The following LY9 variants were observed in gnomAD, a reference collection of about 807,000 sequenced individuals.
LY9 encodes the protein lymphocyte antigen 9, also known as T-lymphocyte surface antigen Ly-9.
A neutral mutation model predicts 64.6 loss-of-function variants in LY9; 59 were observed. The ratio of observed to expected loss-of-function variants is 0.91; its 90% confidence interval spans 0.74 to 1.13. The LOEUF (loss-of-function observed/expected upper bound fraction) is 1.13. Among genes scored for constraint, LY9 ranks in the 50% most tolerant of loss-of-function variants. The probability of loss-of-function intolerance (pLI) is 0.00; values close to 1 mark genes in which losing one functional copy is unlikely to be tolerated. For synonymous variants in LY9, 281 were observed against 308.5 expected (o/e 0.91, Z 0.93); for missense variants, 789 against 797.2 (o/e 0.99, Z 0.12).
At chr1:160,813,473 A>T (rs920032655) in intron 2 of LY9, 163 bp from the exon 3 acceptor site, 2 of 631,172 alleles carry the variant, frequency 3.2e-6, no homozygotes, top group African/African-American at 3.7e-5. Context: ...GGGAGTACAG[A>T]GGAGAGGCTG....
intron 2 of LY9, among the ~76,000 whole-genome samples, chr1:160,808,660 C>T (rs1667204257): frequency 6.6e-6 from 1 of 152,180 alleles, no homozygotes; most frequent in South Asian, 2.1e-4. Flanking sequence ...GTTCCTTCTC[C>T]TTCCCTGCTT....
At chr1:160,813,968 G>A in intron 3 of LY9, 57 bp downstream of exon 3, 1 of 1,560,044 alleles carries the variant, frequency 6.4e-7, no homozygotes, top group Admixed American at 1.8e-5. Flanking sequence ...GAGCAGCTGT[G>A]GAGTCTAAAC....
At chr1:160,819,708 T>C (rs1030303343) in intron 7 of LY9, among the ~76,000 whole-genome samples, 7 of 150,294 alleles carry the variant, frequency 4.7e-5, no homozygotes, top group African/African-American at 1.5e-4. Flanking sequence ...TGAGAATCTA[T>C]TTAACCTGGG....
chr1:160,797,394 C>T (rs1385074309), intron 1 of LY9: 8 of 478,186 alleles, frequency 1.7e-5, no homozygotes, highest in South Asian at 1.8e-4. Context: ...AGCTGAGGTC[C>T]AGTCTGACCT....
intron 7 of LY9, among the ~76,000 whole-genome samples, chr1:160,822,378 T>C (rs951019506): frequency 1.3e-5 from 2 of 152,180 alleles, no homozygotes; most frequent in Non-Finnish European, 2.9e-5. Flanking sequence ...GAAAGGCTGG[T>C]TGCCGCACCC....
At chr1:160,804,184 G>T (rs905247056) in intron 2 of LY9, among the ~76,000 whole-genome samples, 1 of 152,174 alleles carries the variant, frequency 6.6e-6, no homozygotes, top group African/African-American at 2.4e-5. Context: ...CAGAAGAAAG[G>T]CTTTCAGCTT....
intron 2 of LY9, among the ~76,000 whole-genome samples, chr1:160,804,428 TG>T (rs1319086550): frequency 6.6e-6 from 1 of 152,202 alleles, no homozygotes; most frequent in East Asian, 1.9e-4. Flanking sequence ...CTTGCATCCC[TG>T]GGATAAATCC....
intron 2 of LY9, among the ~76,000 whole-genome samples, chr1:160,800,650 A>G (rs1049774081): frequency 6.6e-6 from 1 of 152,160 alleles, no homozygotes; most frequent in East Asian, 1.9e-4. Flanking sequence ...CATCACCCAA[A>G]GAGTGACCAT....
chr1:160,815,741 G>A (rs1425296438), intron 4 of LY9, among the ~76,000 whole-genome samples: 1 of 152,190 alleles, frequency 6.6e-6, no homozygotes, highest in African/African-American at 2.4e-5. Context: ...AGTTGGCTGG[G>A]GTGAAATCAG....
In LY9 at chr1:160,827,917, T is replaced by G; in HGVS notation, c.*101T>G. 2.3e-6 allele frequency: 2 copies of G among 872,368 alleles called. No homozygotes were observed. Among genetic ancestry groups the G allele is most frequent in the South Asian group, 3.2e-5 (2 of 61,612 alleles). 54.0% of individuals were successfully genotyped at this position (872,368 alleles called of 1,614,324 possible). A position where few individuals can be genotyped will look rare whatever the true frequency, so the allele number is the denominator to read the frequency against. On this transcript the variant is annotated 3_prime_UTR_variant, in exon 10 of 10. Coordinates refer to ENST00000263285, the MANE Select transcript of LY9 (RefSeq NM_002348.4). ...TCACAGACAGAAGCACCTCAGAATTTCCTTCAGTGCCTCAGAGATGCCTGG... is the reference window on the plus strand; with the variant it reads ...TCACAGACAGAAGCACCTCAGAATTGCCTTCAGTGCCTCAGAGATGCCTGG...
chr1:160,801,858 G>A (rs779799023), intron 2 of LY9: 25 of 1,614,060 alleles, frequency 1.5e-5, no homozygotes, highest in Non-Finnish European at 2.0e-5. Context: ...GGAGGGCAGC[G>A]GCCTGGAGTC....
rs755989622 is a variant in LY9 at position 160,827,828 on chromosome 1, G to A, written c.*12G>A. 3 of 1,606,084 alleles carry A rather than the reference G, an allele frequency of 1.9e-6. No homozygotes were observed. The highest frequency in any genetic ancestry group is 2.2e-5 in the South Asian group (2 of 89,882). On this transcript the variant is annotated 3_prime_UTR_variant, in exon 10 of 10. Transcript: ENST00000263285. ...AAAATTTCACCTGAAAGGAAAAGCA[G>A]CTGCTGCCTCTCTCCTGGGACCGTG...
Position 160,816,714 on chromosome 1 carries a change from C to G in LY9, c.1193C>G (p.Pro398Arg). Residue 398 changes from proline (P) to arginine (R), a missense_variant, in exon 5 of 10, where the codon CCG becomes CGG. Transcript: ENST00000263285. ...GGNTVMYTWT[P>R]LQKEAVVSQG... ...AACACTGTCATGTACACATGGACCC[C>G]GCTGCAGAAGGAAGCTGTTGTGTCC... The G allele has an allele frequency of 6.2e-7, 1 of 1,614,184 alleles. No homozygotes were observed.
In LY9 at chr1:160,816,799, A is replaced by G; in HGVS notation, c.1278A>G (p.Thr426=). 1.9e-6 allele frequency: 3 copies of G among 1,614,194 alleles called. No homozygotes were observed. Among genetic ancestry groups the G allele is most frequent in the Non-Finnish European group, 2.5e-6 (3 of 1,180,026 alleles). The change falls in exon 5 of 10, where the codon ACA becomes ACG. Residue 426 remains threonine, a synonymous_variant. Transcript: ENST00000263285. The part of the protein sequence containing the change: ...WRSSENHPNL[T]CTASNPVSRS... ...GCAGTGAAAATCACCCCAACCTCAC[A>G]TGCACAGCCAGCAACCCTGTCAGCA...
rs769774797 is a variant in LY9 at position 160,814,753 on chromosome 1, T to C, written c.1064T>C (p.Leu355Pro). The C allele has an allele frequency of 4.0e-5, 65 of 1,612,016 alleles. No homozygotes were observed. Among genetic ancestry groups the C allele is most frequent in the Non-Finnish European group, 5.4e-5 (64 of 1,178,964 alleles). Residue 355 changes from leucine (L) to proline (P), a missense_variant, in exon 4 of 10, where the codon CTC becomes CCC. Coordinates refer to ENST00000263285, the MANE Select transcript of LY9 (RefSeq NM_002348.4). The stretch of plus-strand genomic sequence containing the variant: ...ACCAGCATGACACATGTCACCCTGC[T>C]CATCTACCGTGAGTCTCTGGGCAGG... ...SVTSMTHVTLLIYRRLRKPKI... is the reference protein window; with the variant it reads ...SVTSMTHVTLPIYRRLRKPKI...
chr1:160,820,603 G>T (rs1668340588), intron 7 of LY9, among the ~76,000 whole-genome samples: 2 of 151,976 alleles, frequency 1.3e-5, no homozygotes, highest in Admixed American at 1.3e-4. Context: ...CTCCCCATCA[G>T]CTCCCTCCTC....
intron 1 of LY9, chr1:160,797,185 C>A: frequency 2.0e-6 from 2 of 985,458 alleles, no homozygotes; most frequent in Non-Finnish European, 2.4e-6. Flanking sequence ...CAATCCAGTA[C>A]CCCAGAGAGG....
intron 1 of LY9, chr1:160,797,057 G>T: frequency 1.0e-6 from 1 of 959,012 alleles, no homozygotes. Context: ...CATGGGCAAG[G>T]TGGCGTTTAT....
Position 160,823,619 on chromosome 1 carries a change from G to T in LY9, c.1653G>T (p.Glu551Asp). The change falls in exon 8 of 10, where the codon GAG becomes GAT. Residue 551 changes from glutamate (E) to aspartate (D), a missense_variant. Transcript: ENST00000263285. ...CTGAGGAGGATGAGGACAGGCCTGAGGTGCACAAGCCCATCAGTGGAAGAT... is the reference window on the plus strand; with the variant it reads ...CTGAGGAGGATGAGGACAGGCCTGATGTGCACAAGCCCATCAGTGGAAGAT... ...LTTEEDEDRPEVHKPISGRYE... is the reference protein window; with the variant it reads ...LTTEEDEDRPDVHKPISGRYE... 2 of 1,614,132 alleles carry T rather than the reference G, an allele frequency of 1.2e-6. No homozygotes were observed. Among genetic ancestry groups the T allele is most frequent in the Non-Finnish European group, 1.7e-6 (2 of 1,180,004 alleles).
Sources: gnomAD v4.1 joint callset for allele counts (sites outside exome capture counted in the v4.1 genomes callset) on GRCh38, gnomAD v4.1.1 for gene constraint, MANE v1.5 for transcripts, NCBI Gene and HGNC (gene_info 2026-07-23, HGNC 2026-07-21) for gene names.